FGF12: variants seen among roughly 807,000 people sequenced by gnomAD.
FGF12 encodes the protein fibroblast growth factor 12, also known as fibroblast growth factor 12B.
FGF12 carries 14 observed loss-of-function variants against 23.6 expected under a neutral mutation model. That is an observed-to-expected ratio of 0.59 (90% CI 0.39 to 0.93). FGF12 has a LOEUF of 0.93. Ranked by LOEUF, FGF12 falls within the 40% of genes least tolerant of loss-of-function variation. The pLI is 0.00. For missense variants in FGF12, 175 were observed against 217.8 expected (o/e 0.80, Z 1.24); for synonymous variants, 62 against 77.3 (o/e 0.80, Z 1.04).
intron 3 of FGF12, among the ~76,000 whole-genome samples, chr3:192,344,348 A>G (rs1355076805): frequency 6.6e-6 from 1 of 151,756 alleles, no homozygotes; most frequent in Non-Finnish European, 1.5e-5. Context: ...TAAATTTTTT[A>G]AAATGTTATG....
chr3:192,157,162 T>C (rs1346914676), intron 5 of FGF12, among the ~76,000 whole-genome samples: 1 of 152,226 alleles, frequency 6.6e-6, no homozygotes, highest in Non-Finnish European at 1.5e-5. Flanking sequence ...CCCTTGAATG[T>C]CAGCAGAATG....
chr3:192,169,487 T>G (rs1023357739), intron 5 of FGF12, among the ~76,000 whole-genome samples: 2 of 152,152 alleles, frequency 1.3e-5, no homozygotes, highest in Admixed American at 1.3e-4. Flanking sequence ...CATTGGAAGA[T>G]AGTATTGACT....
chr3:192,605,347 C>T (rs976561527), intron 2 of FGF12, among the ~76,000 whole-genome samples: 4 of 150,086 alleles, frequency 2.7e-5, no homozygotes, highest in East Asian at 4.0e-4. Context: ...CACCACTGCA[C>T]TCCAGCCTGG....
chr3:192,622,994 G>C (rs755521486), intron 2 of FGF12, among the ~76,000 whole-genome samples: 26 of 152,098 alleles, frequency 1.7e-4, no homozygotes, highest in Non-Finnish European at 3.2e-4. Context: ...TATCAAACCT[G>C]GCATATCTCC....
chr3:192,409,920 G>A lies in FGF12; in HGVS notation c.14-49382C>T, dbSNP rs993038820. Among the ~76,000 whole-genome samples the A allele has an allele frequency of 1.3e-5, 2 of 151,884 alleles. No homozygotes were observed. The highest frequency in any genetic ancestry group is 4.8e-5 in the African/African-American group (2 of 41,398). ...GGGCGCCCCCCGCCGCCGCGCCGCC[G>A]CCTCCCCAGGCCCGGGAGGGGGCGC... is the stretch of plus-strand genomic sequence containing the variant. On this transcript the variant is annotated intron_variant, in intron 2 of 5. Coordinates refer to ENST00000445105, the MANE Select transcript of FGF12 (RefSeq NM_004113.6). The surrounding 1 kb of genome is among the most constrained non-coding windows in gnomAD (Gnocchi z 4.8).
At chr3:192,621,924 A>G (rs1256652576) in intron 2 of FGF12, among the ~76,000 whole-genome samples, 1 of 152,134 alleles carries the variant, frequency 6.6e-6, no homozygotes, top group African/African-American at 2.4e-5. Context: ...TGTGACGAGA[A>G]GTCAAATAAT....
chr3:192,727,090 C>T, intron 2 of FGF12, 91 bp downstream of exon 2: 1 of 1,479,612 alleles, frequency 6.8e-7, no homozygotes, highest in Admixed American at 2.0e-5. Flanking sequence ...GTATGATGCT[C>T]GCTCCCCAAG....
intron 5 of FGF12, among the ~76,000 whole-genome samples, chr3:192,163,704 T>G (rs959314000): frequency 6.6e-6 from 1 of 152,136 alleles, no homozygotes; most frequent in African/African-American, 2.4e-5. Context: ...TACAGATGGT[T>G]CTGGTACTGA....
chr3:192,713,305 A>C (rs900654165), intron 2 of FGF12, among the ~76,000 whole-genome samples: 2 of 152,190 alleles, frequency 1.3e-5, no homozygotes, highest in African/African-American at 4.8e-5. Context: ...AGAAATTAAG[A>C]GGTAGTAAGA....
intron 2 of FGF12, among the ~76,000 whole-genome samples, chr3:192,719,802 A>AAAAAAAAAAAAAAAAAAAAAAAAAC (rs1553849219): frequency 7.2e-6 from 1 of 138,960 alleles, no homozygotes; most frequent in Non-Finnish European, 1.5e-5. Flanking sequence ...AAAAAAAAAA[A>AAAAAAAAAAAAAAAAAAAAAAAAAC]AAGAAAAACA....
chr3:192,167,703 CA>C (rs1258376597), intron 5 of FGF12, among the ~76,000 whole-genome samples: 3 of 117,370 alleles, frequency 2.6e-5, no homozygotes, highest in Non-Finnish European at 3.3e-5. Context: ...GTACAGATAG[CA>C]GCTAAAATTA....
intron 2 of FGF12, among the ~76,000 whole-genome samples, chr3:192,383,055 G>A (rs1202915839): frequency 1.3e-5 from 2 of 152,172 alleles, no homozygotes; most frequent in Non-Finnish European, 2.9e-5. Context: ...AAAGGGAAAT[G>A]TGTGGGAGCA....
chr3:192,461,995 A>G (rs1311177379), intron 2 of FGF12, among the ~76,000 whole-genome samples: 3 of 144,062 alleles, frequency 2.1e-5, no homozygotes, highest in African/African-American at 2.9e-5. Flanking sequence ...TGTCACAAGA[A>G]AAAAAAAAAC....
At chr3:192,486,708 A>G (rs558529365) in intron 2 of FGF12, among the ~76,000 whole-genome samples, 12 of 152,114 alleles carry the variant, frequency 7.9e-5, no homozygotes, top group African/African-American at 2.9e-4. Flanking sequence ...GAATGGGAAG[A>G]CATTGAGGAG....
At chr3:192,527,544 A>C (rs2366691) in intron 2 of FGF12, among the ~76,000 whole-genome samples, 4 of 152,174 alleles carry the variant, frequency 2.6e-5, no homozygotes, top group Non-Finnish European at 5.9e-5. Context: ...CATTGTAAGC[A>C]TTCAATATGT....
chr3:192,649,734 T>TTA (rs397756334), intron 2 of FGF12, among the ~76,000 whole-genome samples: 3 of 151,334 alleles, frequency 2.0e-5, no homozygotes, highest in South Asian at 2.1e-4. Context: ...ATTTTTTTTT[T>TTA]ATTTTTTGTG....
At position 192,541,727 on chromosome 3, in the gene FGF12, C is replaced by G. The variant is rs938871152; in HGVS notation, c.14-181189G>C. On this transcript the variant is annotated intron_variant, in intron 2 of 5. Coordinates refer to ENST00000445105, the MANE Select transcript of FGF12 (RefSeq NM_004113.6). Reference sequence around the variant, plus strand: ...GACATGTCTGATGTTAATAAAACCCCTTAGTTTTATTTGTCTGGGAAAAAT... The same window carrying G: ...GACATGTCTGATGTTAATAAAACCCGTTAGTTTTATTTGTCTGGGAAAAAT... 4.0e-5 allele frequency among the ~76,000 whole-genome samples: 6 copies of G among 151,868 alleles called. No homozygotes were observed. The East Asian group carries it at 1.2e-3, about 29-fold the overall frequency.
At chr3:192,169,042 C>T (rs183031126) in intron 5 of FGF12, among the ~76,000 whole-genome samples, 1 of 151,866 alleles carries the variant, frequency 6.6e-6, no homozygotes, top group Admixed American at 6.6e-5. Flanking sequence ...AAAATGAGCC[C>T]AATAAGAATG....
intron 2 of FGF12, among the ~76,000 whole-genome samples, chr3:192,377,502 G>A (rs565833778): frequency 3.9e-5 from 6 of 152,284 alleles, no homozygotes; most frequent in Admixed American, 1.3e-4. Context: ...GAGTCATTTC[G>A]TAACAGCTCA....
Sources: allele counts gnomAD v4.1 joint callset (sites outside exome capture counted in the v4.1 genomes callset), GRCh38; gene constraint gnomAD v4.1.1; non-coding constraint Gnocchi (gnomAD v3.1); transcripts MANE v1.5; gene names NCBI Gene and HGNC (gene_info 2026-07-23, HGNC 2026-07-21).